CPNE4: variants seen among roughly 807,000 people sequenced by gnomAD.
CPNE4 encodes the protein copine-4.
Under a neutral mutation model 67.9 loss-of-function variants are expected in CPNE4, and 25 were observed. That is an observed-to-expected ratio of 0.37 (90% CI 0.27 to 0.51). CPNE4 has a LOEUF of 0.51. Ranked by LOEUF, CPNE4 falls within the 20% of genes least tolerant of loss-of-function variation. The pLI, the probability that CPNE4 is intolerant of heterozygous loss-of-function variation, is 0.93. For missense variants in CPNE4, 464 were observed against 690.8 expected, an observed-to-expected ratio of 0.67 and a Z score of 3.68; for synonymous variants, 242 against 244.9, an observed-to-expected ratio of 0.99 and a Z score of 0.11.
At chr3:131,884,070 C>T (rs2087784245) in intron 2 of CPNE4, among the ~76,000 whole-genome samples, 1 of 152,216 alleles carries the variant, frequency 6.6e-6, no homozygotes, top group Admixed American at 6.5e-5. Context: ...CCATTGTTTA[C>T]CAATGTGTTA....
chr3:131,821,237 G>T (rs914402538), intron 2 of CPNE4, among the ~76,000 whole-genome samples: 1 of 152,190 alleles, frequency 6.6e-6, no homozygotes, highest in Non-Finnish European at 1.5e-5. Flanking sequence ...AGATAAGTTA[G>T]AATTTCTTGG....
At chr3:131,708,957 G>GATAGAT (rs1553757019) in intron 3 of CPNE4, among the ~76,000 whole-genome samples, 1 of 65,848 alleles carries the variant, frequency 1.5e-5, no homozygotes, top group African/African-American at 4.6e-5. Context: ...AGGGCATAAA[G>GATAGAT]ATATATATAT....
At chr3:131,683,783 C>G (rs534607756) in intron 6 of CPNE4, among the ~76,000 whole-genome samples, 2 of 152,188 alleles carry the variant, frequency 1.3e-5, no homozygotes, top group African/African-American at 4.8e-5. Flanking sequence ...ATTTAGGACC[C>G]CAGAGCCCTT....
intron 2 of CPNE4, among the ~76,000 whole-genome samples, chr3:131,758,652 G>T (rs1366507862): frequency 6.6e-6 from 1 of 152,032 alleles, no homozygotes; most frequent in African/African-American, 2.4e-5. Flanking sequence ...AGATTTGGAG[G>T]GGCTGGGGCA....
At chr3:131,976,093 T>TTC (rs2072645497) in intron 1 of CPNE4, among the ~76,000 whole-genome samples, 1 of 151,386 alleles carries the variant, frequency 6.6e-6, no homozygotes, top group Non-Finnish European at 1.5e-5. Context: ...TTTTTTTTTT[T>TTC]TTTTAAAGAA....
chr3:131,578,509 T>TTGAA, intron 9 of CPNE4, among the ~76,000 whole-genome samples: 1 of 152,156 alleles, frequency 6.6e-6, no homozygotes, highest in African/African-American at 2.4e-5. Flanking sequence ...GTCATGCATC[T>TTGAA]CTTACTTAAA....
At chr3:131,655,462 A>G (rs2079931034) in intron 7 of CPNE4, among the ~76,000 whole-genome samples, 1 of 152,174 alleles carries the variant, frequency 6.6e-6, no homozygotes, top group South Asian at 2.1e-4. Context: ...AGAGCTTATG[A>G]AGAAGGCCAG....
chr3:131,876,096 A>T (rs149244930), intron 2 of CPNE4, among the ~76,000 whole-genome samples: 210 of 152,228 alleles, frequency 1.4e-3, no homozygotes, highest in African/African-American at 4.8e-3. Context: ...CTACAAGGTC[A>T]GGTGTGGTGG....
intron 7 of CPNE4, among the ~76,000 whole-genome samples, chr3:131,622,482 T>C (rs1197375771): frequency 2.0e-5 from 3 of 152,180 alleles, no homozygotes; most frequent in Non-Finnish European, 4.4e-5. Flanking sequence ...GGCCATCTCC[T>C]AGACTTAATA....
intron 2 of CPNE4, among the ~76,000 whole-genome samples, chr3:131,753,439 A>G (rs998520540): frequency 1.3e-5 from 2 of 152,180 alleles, no homozygotes; most frequent in Non-Finnish European, 2.9e-5. Flanking sequence ...ACATAAAACA[A>G]TAAAACATCT....
At chr3:131,584,400 A>C (rs1229653227) in intron 8 of CPNE4, among the ~76,000 whole-genome samples, 1 of 152,196 alleles carries the variant, frequency 6.6e-6, no homozygotes, top group Non-Finnish European at 1.5e-5. Flanking sequence ...GGCACAATTT[A>C]ATAATCTATC....
intron 7 of CPNE4, among the ~76,000 whole-genome samples, chr3:131,648,803 C>T (rs1169308243): frequency 6.6e-6 from 1 of 152,102 alleles, no homozygotes; most frequent in East Asian, 1.9e-4. Flanking sequence ...ACTATTATCT[C>T]CATTTGATTA....
At chr3:131,716,088 G>A (rs1444931936) in intron 3 of CPNE4, among the ~76,000 whole-genome samples, 1 of 152,170 alleles carries the variant, frequency 6.6e-6, no homozygotes, top group Non-Finnish European at 1.5e-5. Flanking sequence ...GAAGTCACTT[G>A]CTGTGCTTAT....
intron 2 of CPNE4, among the ~76,000 whole-genome samples, chr3:131,765,721 A>G (rs929360211): frequency 6.6e-6 from 1 of 152,080 alleles, no homozygotes; most frequent in Non-Finnish European, 1.5e-5. Flanking sequence ...AATTTGAAAG[A>G]CAGAAATCTA....
intron 1 of CPNE4, among the ~76,000 whole-genome samples, chr3:131,968,982 T>C (rs1422360164): frequency 7.0e-6 from 1 of 142,784 alleles, no homozygotes; most frequent in Admixed American, 7.3e-5. Flanking sequence ...ATAGACTGGA[T>C]AAAGAAAATG....
intron 14 of CPNE4, among the ~76,000 whole-genome samples, chr3:131,543,387 C>G (rs1351584838): frequency 6.6e-6 from 1 of 152,182 alleles, no homozygotes; most frequent in Non-Finnish European, 1.5e-5. Flanking sequence ...GGAACAACTT[C>G]AGTAGATTAA....
At chr3:131,579,050 G>T (rs1194486065) in intron 9 of CPNE4, among the ~76,000 whole-genome samples, 1 of 152,188 alleles carries the variant, frequency 6.6e-6, no homozygotes, top group Non-Finnish European at 1.5e-5. Context: ...GACTTTCCTG[G>T]CTAGAGAGAA....
intron 2 of CPNE4, among the ~76,000 whole-genome samples, chr3:131,781,757 CTTAG>C (rs1208303770): frequency 1.3e-5 from 2 of 152,190 alleles, no homozygotes; most frequent in Middle Eastern, 3.4e-3. Context: ...AGCCAGAAAG[CTTAG>C]TTAATGTTTC....
intron 1 of CPNE4, among the ~76,000 whole-genome samples, chr3:132,001,699 T>C (rs1050303404): frequency 2.0e-5 from 3 of 152,136 alleles, no homozygotes; most frequent in South Asian, 2.1e-4. Context: ...AGATTCTTCA[T>C]GTCTGCATGA....
Sources: allele counts gnomAD v4.1 joint callset (sites outside exome capture counted in the v4.1 genomes callset), GRCh38; gene constraint gnomAD v4.1.1; transcripts MANE v1.5; gene names NCBI Gene and HGNC (gene_info 2026-07-23, HGNC 2026-07-21).